F8: variants seen among roughly 807,000 people sequenced by gnomAD.
F8 encodes the protein antihemophilic factor.
In F8, 12 loss-of-function variants were observed where a neutral mutation model predicts 140.6. The ratio of observed to expected loss-of-function variants is 0.09; its 90% CI spans 0.05 to 0.14. The LOEUF (loss-of-function observed/expected upper bound fraction) is 0.14, where lower values mean the gene tolerates loss of function less well. Among genes scored for constraint, F8 ranks in the 10% least tolerant of loss-of-function variants. The probability of loss-of-function intolerance (pLI) is 1.00; values close to 1 mark genes in which losing one functional copy is unlikely to be tolerated. For missense variants in F8, 1,354 were observed against 1,720.7 expected (o/e 0.79, Z 3.77); for synonymous variants, 585 against 614.6 (o/e 0.95, Z 0.71).
At chrX:154,850,634 T>C (rs187637506) in intron 25 of F8, among the ~76,000 whole-genome samples, 5 of 110,498 alleles carry the variant, frequency 4.5e-5, no homozygotes, top group Non-Finnish European at 9.5e-5. Flanking sequence ...CCTCTCTCGT[T>C]GGCTTGTAGG....
At position 154,850,240 on chromosome X, in the gene F8, T is replaced by C. The variant is rs996303829; in HGVS notation, c.6900+10192A>G. On this transcript the variant is annotated intron_variant, in intron 25 of 25. Coordinates refer to ENST00000360256, the MANE Select transcript of F8 (RefSeq NM_000132.4). ...GCCTCCTGGGCTCAAGCAATTCTTG[T>C]GCCTCAGCCTCCCGAGTAGCTGGGA... Among the ~76,000 whole-genome samples, 5 of 109,519 alleles carry C rather than the reference T, an allele frequency of 4.6e-5. No homozygotes were observed. In the South Asian group the frequency reaches 2.0e-3, roughly 44 times the overall value.
At chrX:154,859,492 T>C (rs1250562970) in intron 25 of F8, among the ~76,000 whole-genome samples, 2 of 109,173 alleles carry the variant, frequency 1.8e-5, no homozygotes, top group Admixed American at 9.9e-5. Flanking sequence ...TTAGTAGAGA[T>C]GGGGTTTCAC....
Position 154,984,708 on chromosome X carries a change from A to T in F8, c.766T>A (p.Tyr256Asn), listed in dbSNP as rs1569559955. Residue 256 changes from tyrosine to asparagine, a missense_variant, in exon 6 of 26, where the codon TAT (tyrosine) becomes AAT (asparagine). Around this residue, in one of 4 missense-constraint regions of F8, gnomAD observed 128 missense variants for 230.4 expected, o/e 0.56. Transcript: ENST00000360256. ...ATACCTGGCAGAGACCTGTTTACAT[A>T]ACCATTGACTGTGTGCATTTTAGGC... is the stretch of plus-strand genomic sequence containing the variant. The part of the protein sequence containing the change: ...AWPKMHTVNG[Y>N]VNRSLPGLIG... The T allele has an allele frequency of 8.3e-7, 1 of 1,209,006 alleles. No individual in the cohort carries two copies.
chrX:155,021,610 C>G (rs1345634960), intron 1 of F8, among the ~76,000 whole-genome samples: 1 of 110,550 alleles, frequency 9.0e-6, no homozygotes, highest in African/African-American at 3.3e-5. Flanking sequence ...CTTGACAAGA[C>G]CAATAAAATC....
intron 22 of F8, among the ~76,000 whole-genome samples, chrX:154,874,588 C>T (rs1557273847): frequency 8.9e-6 from 1 of 112,202 alleles, no homozygotes; most frequent in African/African-American, 3.2e-5. Flanking sequence ...AAACATCTCC[C>T]ATTCGGCCCT....
Position 154,856,779 on chromosome X carries a change from A to T in F8, c.6900+3653T>A, listed in dbSNP as rs374140201. ...CCCCAAAGGGACATATGGCCTTTCT[A>T]TCAGAATAAATGTGCACTGAAGAAA... On this transcript the variant is annotated intron_variant, in intron 25 of 25. Transcript: ENST00000360256. 9.8e-5 allele frequency among the ~76,000 whole-genome samples: 11 copies of T among 111,872 alleles called. No individual in the cohort carries two copies. The East Asian group carries it at 2.3e-3, about 23-fold the overall frequency.
chrX:154,874,983 T>C (rs1569559393), intron 22 of F8, among the ~76,000 whole-genome samples: 1 of 111,958 alleles, frequency 8.9e-6, no homozygotes, highest in Non-Finnish European at 1.9e-5. Flanking sequence ...ATAAAGACAA[T>C]CTGATATATA....
Position 154,930,984 on chromosome X carries a change from A to T in F8, c.2806T>A (p.Leu936Ile), listed in dbSNP as rs1362434848. 5 of 1,192,165 alleles carry T rather than the reference A, an allele frequency of 4.2e-6. 1 individual carries two copies. The highest frequency in any genetic ancestry group is 5.6e-6 in the Non-Finnish European group (5 of 886,283). The change falls in exon 14 of 26, where the codon TTA becomes ATA. Residue 936 changes from leucine to isoleucine, a missense_variant. Physicochemically the swap from Leu to Ile is conservative, Grantham distance 5. This residue lies in a region of F8 where 658 missense variants were observed against 666.5 expected (regional missense o/e 0.99). Transcript: ENST00000360256. ...TTTTTGCCAAATAGAGTGGTATCTA[A>T]TTGACTATCATAATGAACTGGCATA... is the stretch of plus-strand genomic sequence containing the variant. ...PSMPVHYDSQLDTTLFGKKSS... is the reference protein window; with the variant it reads ...PSMPVHYDSQIDTTLFGKKSS...
At chrX:154,993,851 G>A (rs1390561934) in intron 3 of F8, among the ~76,000 whole-genome samples, 1 of 112,320 alleles carries the variant, frequency 8.9e-6, no homozygotes, top group East Asian at 2.8e-4. Context: ...TTCTTTCCTA[G>A]TGGTACAACA....
intron 11 of F8, 140 bp downstream of exon 11, chrX:154,956,817 T>C: frequency 1.7e-6 from 1 of 590,029 alleles, no homozygotes; most frequent in East Asian, 3.3e-5. Flanking sequence ...CAGGCACGTT[T>C]ACTACGTGAA....
chrX:154,945,718 G>A (rs1484060172), intron 13 of F8, among the ~76,000 whole-genome samples: 1 of 111,746 alleles, frequency 8.9e-6, no homozygotes, highest in African/African-American at 3.2e-5. Flanking sequence ...TCTATAAAAT[G>A]TAGTCCTGGA....
At chrX:154,899,758 G>A (rs2073000398) in intron 21 of F8, 108 bp downstream of exon 21, 1 of 743,919 alleles carries the variant, frequency 1.3e-6, no homozygotes, top group Non-Finnish European at 2.1e-6. Context: ...AAGGCATTCT[G>A]TTCTTTAGTT....
chrX:154,998,375 T>C (rs994644205), intron 2 of F8, among the ~76,000 whole-genome samples: 11 of 112,998 alleles, frequency 9.7e-5, no homozygotes, highest in African/African-American at 2.9e-4. Context: ...CCTGCCAAGG[T>C]AGGAGCAAGT....
chrX:154,962,425 T>C (rs1317017923), intron 9 of F8, among the ~76,000 whole-genome samples: 2 of 112,521 alleles, frequency 1.8e-5, no homozygotes, highest in Non-Finnish European at 3.8e-5. Context: ...TCAGCCTTTA[T>C]TACTATTTGG....
At chrX:154,990,860 T>A (rs1329315392) in intron 4 of F8, among the ~76,000 whole-genome samples, 6 of 111,611 alleles carry the variant, frequency 5.4e-5, no homozygotes, top group African/African-American at 2.0e-4. Flanking sequence ...CAGGAGTTAA[T>A]GCACAACTTT....
At position 154,837,510 on chromosome X, in the gene F8, A is replaced by G; in HGVS notation, c.*87T>C. On this transcript the variant is annotated 3_prime_UTR_variant, in exon 26 of 26. Coordinates refer to ENST00000360256, the MANE Select transcript of F8 (RefSeq NM_000132.4). ...GCAGTGTCTGCTAGGATTTAGCACA[A>G]AGGTAGAAGGCAAGCCAGGGAGGGA... The G allele has an allele frequency of 9.5e-7, 1 of 1,055,032 alleles. No individual in the cohort carries two copies. 86.9% of individuals were successfully genotyped at this position (1,055,032 alleles called of 1,213,427 possible). A position where few individuals can be genotyped will look rare whatever the true frequency, so the allele number is the denominator to read the frequency against.
intron 22 of F8, 73 bp from the exon 23 acceptor site, chrX:154,863,300 T>G: frequency 1.0e-6 from 1 of 994,494 alleles, no homozygotes; most frequent in Admixed American, 2.2e-5. Flanking sequence ...CAATCATATC[T>G]TCCTTCTAAT....
Position 154,904,475 on chromosome X carries a change from G to C in F8, c.5636C>G (p.Thr1879Ser), listed in dbSNP as rs200919346. 3.5e-5 allele frequency: 42 copies of C among 1,209,595 alleles called. No homozygotes were observed. Among genetic ancestry groups the C allele is most frequent in the Non-Finnish European group, 4.5e-5 (40 of 895,045 alleles). ...GLIGPLLVCH[T>S]NTLNPAHGRQ... ...CCCATGAGCAGGGTTCAGTGTGTTA[G>C]TGTGGCAGACCAGAAGGGGTCCAAT... Residue 1879 changes from threonine (T) to serine (S), a missense_variant, in exon 17 of 26, where the codon ACT becomes AGT. Around this residue, in one of 4 missense-constraint regions of F8, gnomAD observed 316 missense variants for 485.4 expected, o/e 0.65. Coordinates refer to ENST00000360256, the MANE Select transcript of F8 (RefSeq NM_000132.4).
chrX:155,021,433 CA>C (rs1275756569), intron 1 of F8, among the ~76,000 whole-genome samples: 10 of 110,074 alleles, frequency 9.1e-5, no homozygotes, highest in Middle Eastern at 4.6e-3. Context: ...TTAAAGAAGA[CA>C]AAAAAATAAA....
Sources: gnomAD v4.1 joint callset for allele counts (sites outside exome capture counted in the v4.1 genomes callset) on GRCh38, gnomAD v4.1.1 for gene constraint, gnomAD v4.1.1 regional missense constraint, MANE v1.5 for transcripts, NCBI Gene and HGNC (gene_info 2026-07-23, HGNC 2026-07-21) for gene names.